DPYD: variants seen among roughly 807,000 people sequenced by gnomAD.
The protein encoded by DPYD is dihydropyrimidine dehydrogenase.
In DPYD, 109 loss-of-function variants were observed where a neutral mutation model predicts 116.2. The ratio of observed to expected loss-of-function variants is 0.94; its 90% confidence interval spans 0.80 to 1.10. DPYD has a LOEUF of 1.10. Ranked by LOEUF, DPYD falls within the 50% of genes least tolerant of loss-of-function variation. The pLI is 0.00. For missense variants in DPYD, 1,302 were observed against 1,254.5 expected (o/e 1.04, Z -0.57); for synonymous variants, 440 against 432.0 (o/e 1.02, Z -0.23).
intron 18 of DPYD, among the ~76,000 whole-genome samples, chr1:97,287,780 G>C (rs1665817136): frequency 6.6e-6 from 1 of 152,098 alleles, no homozygotes; most frequent in Non-Finnish European, 1.5e-5. Context: ...AAGCCTGTCG[G>C]AAACTCTCAG....
intron 2 of DPYD, among the ~76,000 whole-genome samples, chr1:97,829,747 T>A (rs1266256887): frequency 6.6e-6 from 1 of 152,108 alleles, no homozygotes; most frequent in Non-Finnish European, 1.5e-5. Flanking sequence ...GCAATCTTTT[T>A]TTTATTTCTT....
At chr1:97,112,282 A>C (rs1460328618) in intron 20 of DPYD, among the ~76,000 whole-genome samples, 1 of 152,190 alleles carries the variant, frequency 6.6e-6, no homozygotes, top group African/African-American at 2.4e-5. Context: ...TGGATTAAGC[A>C]TGTTGTACGT....
chr1:97,135,089 TAAG>T (rs1653684338), intron 20 of DPYD, among the ~76,000 whole-genome samples: 1 of 152,112 alleles, frequency 6.6e-6, no homozygotes, highest in South Asian at 2.1e-4. Context: ...CCCTAAGCAT[TAAG>T]TTTGGTCACC....
chr1:97,408,266 A>G (rs1253570712), intron 14 of DPYD, among the ~76,000 whole-genome samples: 3 of 152,182 alleles, frequency 2.0e-5, no homozygotes, highest in Non-Finnish European at 4.4e-5. Flanking sequence ...AGTCATCAAT[A>G]CCACCTACGA....
At position 97,179,790 on chromosome 1, in the gene DPYD, G is replaced by A. The variant is rs142709233; in HGVS notation, c.2622+13279C>T. Among the ~76,000 whole-genome samples, 273 of 152,206 alleles carry A rather than the reference G, an allele frequency of 1.8e-3. 3 individuals carry two copies. The highest frequency in any genetic ancestry group is 5.9e-3 in the African/African-American group (246 of 41,528). On this transcript the variant is annotated intron_variant, in intron 20 of 22. Coordinates refer to ENST00000370192, the MANE Select transcript of DPYD (RefSeq NM_000110.4). Reference sequence around the variant, plus strand: ...GACTATGAAGCACAGAACTATTATAGGGCATGGATTTGAGCTACCAATAAC... The same window carrying A: ...GACTATGAAGCACAGAACTATTATAAGGCATGGATTTGAGCTACCAATAAC...
chr1:97,561,538 T>C (rs1161249728), intron 11 of DPYD, among the ~76,000 whole-genome samples: 1 of 152,044 alleles, frequency 6.6e-6, no homozygotes, highest in African/African-American at 2.4e-5. Context: ...ATATACAGAG[T>C]GAAATAGAAG....
chr1:97,351,365 A>G (rs1465140076), intron 16 of DPYD, among the ~76,000 whole-genome samples: 1 of 152,114 alleles, frequency 6.6e-6, no homozygotes, highest in African/African-American at 2.4e-5. Flanking sequence ...ATGAGAGAAG[A>G]TGTTCCCACG....
rs377268990 is a variant in DPYD at position 97,682,369 on chromosome 1, C to T, written c.763-3187G>A. ...AGCAGATCCCTGGTAGAAATGAGGA[C>T]AAAGCCATAACAAGAACATTCCAAG... On this transcript the variant is annotated intron_variant, in intron 7 of 22. Transcript: ENST00000370192. Among the ~76,000 whole-genome samples the T allele has an allele frequency of 6.6e-5, 10 of 151,880 alleles. No individual in the cohort carries two copies. In the East Asian group the frequency reaches 1.8e-3, roughly 27 times the overall value.
At chr1:97,248,109 A>C (rs1662845676) in intron 18 of DPYD, among the ~76,000 whole-genome samples, 1 of 152,234 alleles carries the variant, frequency 6.6e-6, no homozygotes, top group Non-Finnish European at 1.5e-5. Flanking sequence ...GTATTAAATA[A>C]ATTCAGCAAT....
chr1:97,225,598 C>T (rs1407076907), intron 19 of DPYD, among the ~76,000 whole-genome samples: 1 of 145,864 alleles, frequency 6.9e-6, no homozygotes, highest in Non-Finnish European at 1.5e-5. Context: ...GTGAGAGCTC[C>T]TTATATATTT....
chr1:97,471,594 CTT>C (rs368888805), intron 13 of DPYD, among the ~76,000 whole-genome samples: 10 of 142,506 alleles, frequency 7.0e-5, no homozygotes, highest in Non-Finnish European at 7.7e-5. Flanking sequence ...TCCCACTTTC[CTT>C]TTTTTTTTTT....
In DPYD at chr1:97,449,533, G is replaced by A. The variant is rs188217335; in HGVS notation, c.1905+526C>T. On this transcript the variant is annotated intron_variant, in intron 14 of 22. Coordinates refer to ENST00000370192, the MANE Select transcript of DPYD (RefSeq NM_000110.4). ...AATATTATCTATTATATTCAAGCCT[G>A]ATTTTACTGCAATATTTAGGCATGG... Among the ~76,000 whole-genome samples, 576 of 152,092 alleles carry A rather than the reference G, an allele frequency of 3.8e-3. 6 individuals are homozygous for A. Among genetic ancestry groups the A allele is most frequent in the African/African-American group, 0.014 (567 of 41,498 alleles).
At chr1:97,154,079 CAG>C (rs1185338630) in intron 20 of DPYD, among the ~76,000 whole-genome samples, 20 of 151,546 alleles carry the variant, frequency 1.3e-4, no homozygotes, top group African/African-American at 4.8e-4. Flanking sequence ...CTATGGAAAA[CAG>C]TGTGTAGATT....
intron 5 of DPYD, among the ~76,000 whole-genome samples, chr1:97,703,255 C>A (rs1431462895): frequency 1.3e-5 from 2 of 151,934 alleles, no homozygotes; most frequent in African/African-American, 4.8e-5. Flanking sequence ...TGAATTTCAG[C>A]ACAACAGATG....
intron 2 of DPYD, among the ~76,000 whole-genome samples, chr1:97,847,563 G>A (rs1432570954): frequency 6.6e-6 from 1 of 152,100 alleles, no homozygotes; most frequent in African/African-American, 2.4e-5. Context: ...TAAATGAAGG[G>A]ACTCAATGGA....
At chr1:97,867,816 A>G (rs1284248314) in intron 2 of DPYD, among the ~76,000 whole-genome samples, 2 of 151,876 alleles carry the variant, frequency 1.3e-5, no homozygotes, top group Non-Finnish European at 2.9e-5. Flanking sequence ...CAGGAACGAG[A>G]CAAGGATACC....
chr1:97,719,833 T>C (rs1474099966), intron 5 of DPYD: 2 of 984,702 alleles, frequency 2.0e-6, no homozygotes, highest in Non-Finnish European at 2.4e-6. Context: ...ATAATTGGAA[T>C]GAAATAAGCA....
chr1:97,768,524 T>C (rs1463373467), intron 3 of DPYD, among the ~76,000 whole-genome samples: 1 of 152,216 alleles, frequency 6.6e-6, no homozygotes, highest in Non-Finnish European at 1.5e-5. Context: ...TTAAGATCTG[T>C]GATGATAATG....
At chr1:97,235,042 T>G (rs746310659) in intron 18 of DPYD, 48 bp from the exon 19 acceptor site, 2 of 1,607,034 alleles carry the variant, frequency 1.2e-6, no homozygotes, top group South Asian at 1.1e-5. Flanking sequence ...ACCACTTGAG[T>G]ATACTGTCTT....
Sources: gnomAD v4.1 joint callset for allele counts (sites outside exome capture counted in the v4.1 genomes callset) on GRCh38, gnomAD v4.1.1 for gene constraint, MANE v1.5 for transcripts, NCBI Gene and HGNC (gene_info 2026-07-23, HGNC 2026-07-21) for gene names.